Variants in NRF1 observed in about 807,000 individuals in gnomAD.
The protein encoded by NRF1 is alpha palindromic-binding protein.
NRF1 carries 5 observed loss-of-function variants against 58.5 expected under a neutral mutation model. That is an observed-to-expected ratio of 0.09 (90% CI 0.04 to 0.18). The LOEUF is 0.18. NRF1 is among the 10% of genes least tolerant of loss of function. NRF1 has a pLI of 1.00. For missense variants in NRF1, 288 were observed against 657.7 expected (o/e 0.44, Z 6.15); for synonymous variants, 224 against 246.7 (o/e 0.91, Z 0.86).
At chr7:129,681,578 AATTT>A (rs1562968929) in intron 4 of NRF1, among the ~76,000 whole-genome samples, 1 of 152,040 alleles carries the variant, frequency 6.6e-6, no homozygotes, top group Non-Finnish European at 1.5e-5. Context: ...TTTATTTATT[AATTT>A]ATTTATTTAG....
intron 1 of NRF1, among the ~76,000 whole-genome samples, chr7:129,648,470 G>A (rs1434420655): frequency 6.7e-6 from 1 of 148,578 alleles, no homozygotes; most frequent in Non-Finnish European, 1.5e-5. Flanking sequence ...TAGTAGAGAC[G>A]GGGTTTCACC....
chr7:129,664,878 T>A (rs1801884124), intron 2 of NRF1, among the ~76,000 whole-genome samples: 1 of 152,230 alleles, frequency 6.6e-6, no homozygotes, highest in Admixed American at 6.5e-5. Context: ...GTTTGCTTCT[T>A]AGGAGTGCGA....
chr7:129,742,197 C>T (rs1803860245), intron 10 of NRF1, among the ~76,000 whole-genome samples: 2 of 149,842 alleles, frequency 1.3e-5, no homozygotes, highest in Non-Finnish European at 3.0e-5. Flanking sequence ...ATTATAATTA[C>T]ACCAAATCTT....
chr7:129,720,760 C>T (rs1291950972), intron 9 of NRF1, among the ~76,000 whole-genome samples: 1 of 152,162 alleles, frequency 6.6e-6, no homozygotes, highest in African/African-American at 2.4e-5. Flanking sequence ...GAATTTCATA[C>T]TGCAAGTCAC....
chr7:129,663,141 C>G (rs1801824798), intron 2 of NRF1, among the ~76,000 whole-genome samples: 1 of 152,194 alleles, frequency 6.6e-6, no homozygotes, highest in Admixed American at 6.5e-5. Flanking sequence ...ATGGAGTCTC[C>G]TATGTCTACT....
intron 4 of NRF1, among the ~76,000 whole-genome samples, chr7:129,682,787 G>A (rs1387221651): frequency 1.3e-5 from 2 of 152,054 alleles, no homozygotes; most frequent in African/African-American, 2.4e-5. Flanking sequence ...GGGTGACAGA[G>A]TGAGACAATG....
chr7:129,711,653 G>C, intron 8 of NRF1, 77 bp downstream of exon 8: 1 of 1,153,232 alleles, frequency 8.7e-7, no homozygotes, highest in Admixed American at 2.1e-5. Context: ...CCAGAAGATG[G>C]AGTAGCCTGC....
intron 1 of NRF1, among the ~76,000 whole-genome samples, chr7:129,636,013 C>T (rs1186632615): frequency 6.6e-6 from 1 of 152,012 alleles, no homozygotes; most frequent in African/African-American, 2.4e-5. Flanking sequence ...TTTCATAGTC[C>T]CAGTGAAATG....
chr7:129,638,204 G>A (rs1801212949), intron 1 of NRF1, among the ~76,000 whole-genome samples: 1 of 151,626 alleles, frequency 6.6e-6, no homozygotes, highest in African/African-American at 2.4e-5. Flanking sequence ...CAAGACCTGT[G>A]TTATCCCAGT....
chr7:129,702,010 C>T (rs2116162707), intron 5 of NRF1, among the ~76,000 whole-genome samples: 1 of 152,220 alleles, frequency 6.6e-6, no homozygotes, highest in African/African-American at 2.4e-5. Context: ...TCTTTAATCA[C>T]ATAAAACTGC....
At chr7:129,733,794 C>T (rs2116272202) in intron 10 of NRF1, among the ~76,000 whole-genome samples, 1 of 152,170 alleles carries the variant, frequency 6.6e-6, no homozygotes, top group South Asian at 2.1e-4. Context: ...AAGGTTGAGG[C>T]AGGTGGATTG....
intron 8 of NRF1, among the ~76,000 whole-genome samples, chr7:129,714,498 C>T (rs1803144764): frequency 6.6e-6 from 1 of 152,176 alleles, no homozygotes; most frequent in South Asian, 2.1e-4. Flanking sequence ...ACTCATCAGC[C>T]ACCTAAGAAT....
chr7:129,663,395 G>A (rs551224741), intron 2 of NRF1, among the ~76,000 whole-genome samples: 5 of 147,446 alleles, frequency 3.4e-5, no homozygotes, highest in South Asian at 4.3e-4. Context: ...GGACAGAGGC[G>A]CTCCTCACCT....
chr7:129,615,146 T>A (rs78611022), intron 1 of NRF1, among the ~76,000 whole-genome samples: 4,003 of 152,344 alleles, frequency 0.026, 62 homozygotes, highest in Middle Eastern at 0.075. Flanking sequence ...CTATGAACTG[T>A]CAGTCTTTAG....
At chr7:129,615,055 A>G (rs1390121866) in intron 1 of NRF1, among the ~76,000 whole-genome samples, 1 of 152,238 alleles carries the variant, frequency 6.6e-6, no homozygotes, top group African/African-American at 2.4e-5. Context: ...AAGAATAATA[A>G]CAATGAACAG....
intron 1 of NRF1, among the ~76,000 whole-genome samples, chr7:129,632,590 C>CT (rs1468471139): frequency 6.6e-6 from 1 of 151,906 alleles, no homozygotes; most frequent in Non-Finnish European, 1.5e-5. Flanking sequence ...TATTTATTCT[C>CT]TCCCTGCATT....
chr7:129,626,938 T>C (rs1371736907), intron 1 of NRF1, among the ~76,000 whole-genome samples: 1 of 152,242 alleles, frequency 6.6e-6, no homozygotes, highest in Non-Finnish European at 1.5e-5. Flanking sequence ...TTGCATTTGA[T>C]ATAAAAGACT....
In NRF1 at chr7:129,709,162, A is replaced by G. The variant is rs993775441; in HGVS notation, c.694A>G (p.Ile232Val). ...CTGGGGGAAAGAAAGCTGCAAGCCC[A>G]TCTGGTGGCCTGAAGATATCCCCTG... Reference protein sequence around the residue: ...PGWGKESCKPIWWPEDIPWAN... With the variant: ...PGWGKESCKPVWWPEDIPWAN... The change falls in exon 6 of 11, where the codon ATC becomes GTC. Residue 232 changes from isoleucine to valine, a missense_variant. Ile to Val is a conservative substitution (Grantham distance 29). Transcript: ENST00000393232. The G allele has an allele frequency of 8.8e-6, 14 of 1,594,616 alleles. No homozygotes were observed. In the African/African-American group the frequency reaches 1.5e-4, roughly 17 times the overall value.
intron 3 of NRF1, among the ~76,000 whole-genome samples, chr7:129,673,041 G>T (rs1310566434): frequency 1.3e-5 from 2 of 152,168 alleles, no homozygotes; most frequent in Non-Finnish European, 2.9e-5. Flanking sequence ...AACAAACCAA[G>T]AGAGTGGTAT....
Sources: gnomAD v4.1 joint callset for allele counts (sites outside exome capture counted in the v4.1 genomes callset) on GRCh38, gnomAD v4.1.1 for gene constraint, MANE v1.5 for transcripts, NCBI Gene and HGNC (gene_info 2026-07-23, HGNC 2026-07-21) for gene names.